The following PRELID2 variants were observed in gnomAD, a reference collection of about 807,000 sequenced individuals.
The protein encoded by PRELID2 is PRELI domain-containing protein 2.
PRELID2 carries 25 observed loss-of-function variants against 28.4 expected under a neutral mutation model. The ratio of observed to expected loss-of-function variants is 0.88; its 90% CI spans 0.64 to 1.23. The LOEUF (loss-of-function observed/expected upper bound fraction) is 1.23. PRELID2 is among the 50% of genes most tolerant of loss of function. PRELID2 has a pLI of 0.00. For missense variants in PRELID2, 201 were observed against 214.4 expected (o/e 0.94, Z 0.39); for synonymous variants, 76 against 71.6 (o/e 1.06, Z -0.31).
intron 4 of PRELID2, among the ~76,000 whole-genome samples, chr5:145,808,122 C>T (rs1229835090): frequency 6.6e-6 from 1 of 152,106 alleles, no homozygotes; most frequent in Non-Finnish European, 1.5e-5. Context: ...TTAATATGAG[C>T]AGAGGGAGTC....
intron 1 of PRELID2, among the ~76,000 whole-genome samples, chr5:145,667,077 T>G (rs1754609287): frequency 6.6e-6 from 1 of 152,114 alleles, no homozygotes; most frequent in Admixed American, 6.6e-5. Context: ...GCATTTTATC[T>G]GAACATTTAT....
At chr5:145,266,074 G>GGAC in the PRELID2 span, among the ~76,000 whole-genome samples, 5 of 151,980 alleles carry the variant, frequency 3.3e-5, no homozygotes, top group Non-Finnish European at 5.9e-5. Context: ...TGCCAACAAA[G>GGAC]GACTAACATC....
chr5:145,661,663 C>A (rs1390547364), intron 1 of PRELID2, among the ~76,000 whole-genome samples: 2 of 106,390 alleles, frequency 1.9e-5, no homozygotes, highest in African/African-American at 4.4e-5. Flanking sequence ...ACAAACAAGC[C>A]ATTAAAAAAA....
chr5:145,726,270 A>T (rs1311882050), intron 1 of PRELID2, among the ~76,000 whole-genome samples: 1 of 141,518 alleles, frequency 7.1e-6, no homozygotes, highest in Non-Finnish European at 1.5e-5. Flanking sequence ...GGAGGGGGAA[A>T]GAGAGAAAGA....
the PRELID2 span, among the ~76,000 whole-genome samples, chr5:145,463,159 T>A: frequency 1.3e-5 from 2 of 152,084 alleles, no homozygotes; most frequent in African/African-American, 4.8e-5. Context: ...AAACAAAGAA[T>A]AATTTTTTGT....
chr5:145,793,432 C>A (rs1752526915), intron 5 of PRELID2, among the ~76,000 whole-genome samples: 1 of 151,974 alleles, frequency 6.6e-6, no homozygotes, highest in African/African-American at 2.4e-5. Context: ...CCACAGAAAC[C>A]ATTTATGCAG....
the PRELID2 span, among the ~76,000 whole-genome samples, chr5:145,458,054 A>G: frequency 6.6e-6 from 1 of 152,164 alleles, no homozygotes; most frequent in African/African-American, 2.4e-5. Context: ...TTAGCCACCA[A>G]CTTGTTTTGG....
At chr5:145,467,875 GTTAAT>G (rs1198278685), downstream of PRELID2, among the ~76,000 whole-genome samples, 3 of 150,936 alleles carry the variant, frequency 2.0e-5, no homozygotes, top group Non-Finnish European at 3.0e-5. Context: ...TTATTTTAAA[GTTAAT>G]TTATTTACTT....
At chr5:145,348,941 T>G in the PRELID2 span, among the ~76,000 whole-genome samples, 1 of 152,188 alleles carries the variant, frequency 6.6e-6, no homozygotes, top group Non-Finnish European at 1.5e-5. Context: ...GTTGATCCAC[T>G]GCAATTTTTG....
the PRELID2 span, among the ~76,000 whole-genome samples, chr5:145,417,734 A>C: frequency 6.6e-6 from 1 of 152,220 alleles, no homozygotes; most frequent in African/African-American, 2.4e-5. Context: ...CTGGATATTG[A>C]AGGGACATAT....
At chr5:145,761,628 T>C in intron 6 of PRELID2, among the ~76,000 whole-genome samples, 1 of 152,218 alleles carries the variant, frequency 6.6e-6, no homozygotes, top group Admixed American at 6.5e-5. Context: ...ACAGTAAATA[T>C]TATAGGCTTT....
At chr5:145,795,373 C>T (rs1752666791) in intron 5 of PRELID2, 1 of 152,102 alleles carries the variant, frequency 6.6e-6, no homozygotes, top group Admixed American at 6.6e-5. Flanking sequence ...TGCCAGGAAC[C>T]ACCTCAACTG....
intron 1 of PRELID2, among the ~76,000 whole-genome samples, chr5:145,478,955 C>T (rs1232729428): frequency 3.3e-5 from 5 of 152,138 alleles, no homozygotes; most frequent in Non-Finnish European, 5.9e-5. Context: ...AAAGCTTTGA[C>T]CTCTAACAAT....
At chr5:145,422,571 T>G in the PRELID2 span, among the ~76,000 whole-genome samples, 2 of 151,852 alleles carry the variant, frequency 1.3e-5, no homozygotes, top group African/African-American at 4.9e-5. Flanking sequence ...CCTTTTTTTT[T>G]GTTTTCCATT....
At position 145,497,667 on chromosome 5, in the gene PRELID2, C is replaced by T. The variant is rs377529855; in HGVS notation, n.71-24352G>A. ...CCACATAGCCATAAAGTTGCCTGTG[C>T]TCACTCAAGTAGTTTCGGAGATTTC... On this transcript the variant is annotated intron_variant and non_coding_transcript_variant, in intron 1 of 2. Coordinates refer to the PRELID2 transcript ENST00000510259. Among the ~76,000 whole-genome samples, 7 of 152,280 alleles carry T rather than the reference C, an allele frequency of 4.6e-5. 1 individual carries two copies. The highest frequency in any genetic ancestry group is 1.7e-4 in the African/African-American group (7 of 41,568).
chr5:145,783,958 G>T (rs1751813912), intron 5 of PRELID2, among the ~76,000 whole-genome samples: 1 of 152,170 alleles, frequency 6.6e-6, no homozygotes, highest in African/African-American at 2.4e-5. Flanking sequence ...GCACCTCAGA[G>T]CAACTGGTCC....
At chr5:145,805,392 G>C (rs981031493) in intron 4 of PRELID2, among the ~76,000 whole-genome samples, 6 of 152,184 alleles carry the variant, frequency 3.9e-5, no homozygotes, top group African/African-American at 1.4e-4. Flanking sequence ...AGGGCTGCCA[G>C]CTGTATGTAT....
the PRELID2 span, among the ~76,000 whole-genome samples, chr5:145,456,475 T>A: frequency 5.3e-5 from 8 of 152,284 alleles, no homozygotes; most frequent in South Asian, 1.7e-3. Context: ...CAAGTCTCCA[T>A]CATGTCCTTA....
At chr5:145,707,500 A>T (rs528905169) in intron 1 of PRELID2, among the ~76,000 whole-genome samples, 8 of 152,304 alleles carry the variant, frequency 5.3e-5, no homozygotes, top group African/African-American at 1.4e-4. Flanking sequence ...GAGACTTTTT[A>T]AAAAATCTCC....
Sources: gnomAD v4.1 joint callset for allele counts (sites outside exome capture counted in the v4.1 genomes callset) on GRCh38, gnomAD v4.1.1 for gene constraint, MANE v1.5 for transcripts, NCBI Gene and HGNC (gene_info 2026-07-23, HGNC 2026-07-21) for gene names.